DENND4A: variants seen among roughly 807,000 people sequenced by gnomAD.
DENND4A encodes the protein C-myc promoter-binding protein.
DENND4A carries 70 observed loss-of-function variants against 199.3 expected under a neutral mutation model. The observed-to-expected ratio is 0.35, with a 90% CI of 0.29 to 0.43. The LOEUF is 0.43. Among genes scored for constraint, DENND4A ranks in the 20% least tolerant of loss-of-function variants. The pLI, the probability that DENND4A is intolerant of heterozygous loss-of-function variation, is 1.00. For synonymous variants in DENND4A, 686 were observed against 766.9 expected (o/e 0.89, Z 1.74); for missense variants, 1,723 against 2,255.8 (o/e 0.76, Z 4.78).
chr15:65,728,006 T>G (rs2075855431), intron 11 of DENND4A, among the ~76,000 whole-genome samples: 1 of 151,878 alleles, frequency 6.6e-6, no homozygotes, highest in Non-Finnish European at 1.5e-5. Context: ...TTTTGTTTGT[T>G]TTTTTTTGTT....
At chr15:65,679,459 A>G (rs2076497863) in intron 23 of DENND4A, among the ~76,000 whole-genome samples, 1 of 152,052 alleles carries the variant, frequency 6.6e-6, no homozygotes, top group Admixed American at 6.6e-5. Context: ...TGTTTGCTAT[A>G]GTTTTTTGAT....
chr15:65,787,074 T>C (rs1211729137), intron 1 of DENND4A, among the ~76,000 whole-genome samples: 1 of 152,184 alleles, frequency 6.6e-6, no homozygotes, highest in Non-Finnish European at 1.5e-5. Flanking sequence ...ATGAAATATG[T>C]TAACATTTTA....
chr15:65,729,436 T>C, intron 10 of DENND4A, 98 bp downstream of exon 10: 4 of 1,467,788 alleles, frequency 2.7e-6, no homozygotes, highest in Non-Finnish European at 3.7e-6. Flanking sequence ...TTCATTACTC[T>C]CTGAATTTTA....
At chr15:65,753,220 T>C (rs2076613148) in intron 3 of DENND4A, among the ~76,000 whole-genome samples, 1 of 152,300 alleles carries the variant, frequency 6.6e-6, no homozygotes, top group African/African-American at 2.4e-5. Context: ...TTAAGTTTTC[T>C]ATACTTAAGC....
chr15:65,667,085 A>C (rs1020927582), intron 29 of DENND4A, among the ~76,000 whole-genome samples: 2 of 152,184 alleles, frequency 1.3e-5, no homozygotes, highest in South Asian at 4.1e-4. Context: ...TAATCCCAAC[A>C]CTTTGGGAGG....
chr15:65,753,191 T>C (rs920039307), intron 3 of DENND4A, among the ~76,000 whole-genome samples: 1 of 152,180 alleles, frequency 6.6e-6, no homozygotes, highest in Non-Finnish European at 1.5e-5. Flanking sequence ...TAGTACAGGG[T>C]GGACCTGGCA....
Position 65,729,094 on chromosome 15 carries a change from C to T in DENND4A, c.1465G>A (p.Val489Ile). The T allele has an allele frequency of 3.1e-6, 5 of 1,589,462 alleles. No individual in the cohort carries two copies. Among genetic ancestry groups the T allele is most frequent in the Non-Finnish European group, 4.3e-6 (5 of 1,166,368 alleles). The change falls in exon 11 of 33, where the codon GTA becomes ATA. Residue 489 changes from valine to isoleucine, a missense_variant. This residue lies in a region of DENND4A where 725 missense variants were observed against 952.9 expected (regional missense o/e 0.76). Transcript: ENST00000443035. ...TACTGAGAAATAGTGTTGGTATCTA[C>T]ATCAACACAACTGACATCTGGTGGA... is the stretch of plus-strand genomic sequence containing the variant. ...DPPPDVSCVD[V>I]DTNTISQIGD...
chr15:65,771,876 T>C lies in DENND4A; in HGVS notation c.-101-10438A>G, dbSNP rs1051521860. The C allele has an allele frequency of 2.5e-6, 4 of 1,611,790 alleles. No homozygotes were observed. In the African/African-American group the frequency reaches 4.0e-5, roughly 16 times the overall value. On this transcript the variant is annotated intron_variant, in intron 1 of 32. Coordinates refer to ENST00000443035, the MANE Select transcript of DENND4A (RefSeq NM_001320835.1). ...CATTCCCAACCTTTTTAAAAGCATC[T>C]GTTGCTCCAGGTGCATGGTTTTTGT...
At chr15:65,700,489 C>A in intron 20 of DENND4A, 55 bp downstream of exon 20, 1 of 1,179,940 alleles carries the variant, frequency 8.5e-7, no homozygotes, top group Non-Finnish European at 1.1e-6. Flanking sequence ...CATAGGCTAG[C>A]AAATCTAGTT....
intron 1 of DENND4A, among the ~76,000 whole-genome samples, chr15:65,776,231 T>C (rs2077279991): frequency 6.6e-6 from 1 of 152,194 alleles, no homozygotes; most frequent in African/African-American, 2.4e-5. Flanking sequence ...AGTCAGTCAA[T>C]AAATGTTTGC....
intron 1 of DENND4A, among the ~76,000 whole-genome samples, chr15:65,780,860 T>C (rs2077418665): frequency 6.6e-6 from 1 of 152,212 alleles, no homozygotes; most frequent in Non-Finnish European, 1.5e-5. Flanking sequence ...CCAGACAGTC[T>C]GGGTCTGGAA....
chr15:65,721,715 G>A (rs776661620), intron 12 of DENND4A, among the ~76,000 whole-genome samples: 8 of 151,912 alleles, frequency 5.3e-5, no homozygotes, highest in East Asian at 1.9e-4. Context: ...GTCCTCCCGC[G>A]TGGTCCTCCT....
chr15:65,731,749 A>G (rs1412871547), intron 8 of DENND4A, 49 bp from the exon 9 acceptor site: 8 of 1,268,702 alleles, frequency 6.3e-6, no homozygotes, highest in African/African-American at 1.5e-5. Context: ...GATGAACTTT[A>G]AAACACCACT....
chr15:65,709,719 A>AAAAAAAATATATAT lies in DENND4A; in HGVS notation c.1954-3496_1954-3495insATATATATTTTTTT, dbSNP rs1218030026. Among the ~76,000 whole-genome samples the AAAAAAAATATATAT allele has an allele frequency of 1.9e-3, 99 of 51,446 alleles. No homozygotes were observed. The East Asian group carries it at 0.019, about 10-fold the overall frequency. 33.8% of individuals were successfully genotyped at this position (51,446 alleles called of 152,430 possible). ...TCAAAAAAAAAAAAAAAAAAAAAAAAATATATATATATATATATATATAAT... is the reference window on the plus strand; with the variant it reads ...TCAAAAAAAAAAAAAAAAAAAAAAAAAAAAAAATATATATATATATATATATATATATATATAAT... On this transcript the variant is annotated intron_variant, in intron 14 of 32. Transcript: ENST00000443035.
chr15:65,715,309 T>G, intron 14 of DENND4A, 169 bp downstream of exon 14: 2 of 556,612 alleles, frequency 3.6e-6, no homozygotes, highest in Non-Finnish European at 3.0e-6. Context: ...TTGTAAGAGG[T>G]GCATTCTATA....
chr15:65,697,677 G>C (rs2077193855), intron 20 of DENND4A, among the ~76,000 whole-genome samples: 1 of 152,142 alleles, frequency 6.6e-6, no homozygotes, highest in South Asian at 2.1e-4. Context: ...CCAAGACACA[G>C]ACAAACCAGA....
At chr15:65,696,743 C>A (rs2077157458) in intron 21 of DENND4A, 2 of 280,996 alleles carry the variant, frequency 7.1e-6, no homozygotes, top group Admixed American at 4.9e-5. Flanking sequence ...TATTTCCTCA[C>A]TGATTGTAAA....
At chr15:65,745,366 CTTTTA>C (rs1418209447) in intron 4 of DENND4A, among the ~76,000 whole-genome samples, 1 of 152,054 alleles carries the variant, frequency 6.6e-6, no homozygotes, top group East Asian at 1.9e-4. Flanking sequence ...AACCCTTAAC[CTTTTA>C]TTTTAATATA....
At chr15:65,769,532 C>T (rs1006733941) in intron 1 of DENND4A, among the ~76,000 whole-genome samples, 1 of 152,086 alleles carries the variant, frequency 6.6e-6, no homozygotes, top group Admixed American at 6.6e-5. Context: ...CAAATAAGCT[C>T]ATGGCTTGGG....
Sources: allele counts gnomAD v4.1 joint callset (sites outside exome capture counted in the v4.1 genomes callset), GRCh38; gene constraint gnomAD v4.1.1; regional missense constraint gnomAD v4.1.1; transcripts MANE v1.5; gene names NCBI Gene and HGNC (gene_info 2026-07-23, HGNC 2026-07-21).